CROCC: variants seen among roughly 807,000 people sequenced by gnomAD.
CROCC encodes the protein ciliary rootlet coiled-coil, rootletin.
In CROCC, 180 loss-of-function variants were observed where a neutral mutation model predicts 245.2. That is an observed-to-expected ratio of 0.73 (90% CI 0.65 to 0.83). The LOEUF (loss-of-function observed/expected upper bound fraction) is 0.83. Among genes scored for constraint, CROCC ranks in the 40% least tolerant of loss-of-function variants. The pLI, the probability that CROCC is intolerant of heterozygous loss-of-function variation, is 0.00. For synonymous variants in CROCC, 1,205 were observed against 1,241.6 expected (o/e 0.97, Z 0.62); for missense variants, 2,688 against 2,779.4 (o/e 0.97, Z 0.74).
chr1:16,953,103 C>G (rs1375346960), intron 20 of CROCC, 199 bp from the exon 21 acceptor site: 2 of 583,368 alleles, frequency 3.4e-6, no homozygotes, highest in African/African-American at 3.7e-5. Context: ...GACCCCCAGG[C>G]CAGCCCACTG....
chr1:16,936,831 A>C lies in CROCC; in HGVS notation c.1151A>C (p.Gln384Pro). The stretch of plus-strand genomic sequence containing the variant: ...CTCCGCGAGAAGGACCTGGCGCAGC[A>C]GCAGATGCAAAGCGACCTGGACAAG... ...KVLREKDLAQ[Q>P]QMQSDLDKAD... Residue 384 changes from glutamine (Q) to proline (P), a missense_variant, in exon 9 of 37, where the codon CAG (glutamine) becomes CCG (proline). Physicochemically the swap from Gln to Pro is moderately conservative, Grantham distance 76 (BLOSUM62 -1). This residue lies in a region of CROCC where 972 missense variants were observed against 895.3 expected (regional missense o/e 1.09). Transcript: ENST00000375541. 4 of 1,612,362 alleles carry C rather than the reference A, an allele frequency of 2.5e-6. No individual in the cohort carries two copies. The highest frequency in any genetic ancestry group is 3.4e-6 in the Non-Finnish European group (4 of 1,179,826).
intron 11 of CROCC, 40 bp from the exon 12 acceptor site, chr1:16,938,869 A>C: frequency 6.3e-7 from 1 of 1,588,402 alleles, no homozygotes. Flanking sequence ...CGCGGTTCCT[A>C]ACTCAGCAGC....
intron 27 of CROCC, among the ~76,000 whole-genome samples, chr1:16,963,823 T>G (rs2076373167): frequency 6.6e-6 from 1 of 151,856 alleles, no homozygotes; most frequent in African/African-American, 2.4e-5. Context: ...TGAGCCCAAG[T>G]CTCGCTCTAT....
At chr1:16,938,688 C>T (rs867704227) in intron 11 of CROCC, among the ~76,000 whole-genome samples, 7 of 152,290 alleles carry the variant, frequency 4.6e-5, no homozygotes, top group Admixed American at 6.5e-5. Context: ...CCTTTGGGAG[C>T]CCACCTGTGA....
rs559935469 is a variant in CROCC, at chr1:16,972,328, C to T, written c.5968-32C>T. On this transcript the variant is annotated intron_variant, in intron 36 of 36. Coordinates refer to ENST00000375541, the MANE Select transcript of CROCC (RefSeq NM_014675.5). ...CTTTCTCTGAAGCCAGGCTGAGGAC[C>T]TGGCTGGCCTTACCTTCCCTTTCTT... 45 of 1,591,466 alleles carry T rather than the reference C, an allele frequency of 2.8e-5. No individual in the cohort carries two copies. The South Asian group carries it at 4.6e-4, about 16-fold the overall frequency.
chr1:16,919,507 C>T (rs1352427630), upstream of CROCC, among the ~76,000 whole-genome samples: 2 of 152,284 alleles, frequency 1.3e-5, no homozygotes, highest in Non-Finnish European at 2.9e-5. Context: ...GGACAAGCCG[C>T]AGGCAAAACT....
rs2075488247 is a variant in CROCC at position 16,924,553 on chromosome 1, CCA to C, written c.351+80_351+81del. The C allele has an allele frequency of 2.6e-6, 4 of 1,555,746 alleles. No homozygotes were observed. The Admixed American group carries it at 5.4e-5, about 21-fold the overall frequency. ...GGGCAGGGAGGCATCTAGACCAGGC[CCA>C]CACACGGGGCAAAAGATGGGCCCTG... On this transcript the variant is annotated intron_variant, in intron 3 of 36. Transcript: ENST00000375541.
At position 16,924,368 on chromosome 1, in the gene CROCC, G is replaced by A. The variant is rs1462744888; in HGVS notation, c.240G>A (p.Gln80=). ...ATEMASLLSL[Q]EENQLLQQEL... ...AGATGGCATCGCTGCTGTCGCTGCA[G>A]GAGGAGAACCAGCTGCTGCAGCAGG... The change falls in exon 3 of 37, where the codon CAG becomes CAA. Residue 80 remains glutamine (Q), a synonymous_variant. Transcript: ENST00000375541. 1.2e-6 allele frequency: 2 copies of A among 1,613,164 alleles called. No individual in the cohort carries two copies. Among genetic ancestry groups the A allele is most frequent in the African/African-American group, 2.7e-5 (2 of 74,956 alleles).
At chr1:16,944,711 C>A (rs1355801191) in intron 14 of CROCC, among the ~76,000 whole-genome samples, 1 of 152,364 alleles carries the variant, frequency 6.6e-6, no homozygotes, top group African/African-American at 2.4e-5. Context: ...AACTGAGGCA[C>A]AGAGAAGCCA....
intron 13 of CROCC, chr1:16,940,936 CTG>C (rs1280045026): frequency 1.7e-5 from 7 of 418,770 alleles, no homozygotes; most frequent in Non-Finnish European, 3.4e-5. Context: ...CTCCCTTCCT[CTG>C]TGCCCTCACC....
In CROCC at chr1:16,939,939, C is replaced by G. The variant is rs775676010; in HGVS notation, c.1654C>G (p.Leu552Val). The change falls in exon 13 of 37, where the codon CTG becomes GTG. Residue 552 changes from leucine to valine, a missense_variant. Physicochemically the swap from Leu to Val is conservative, Grantham distance 32. Transcript: ENST00000375541. ...YEASQDLLGT[L>V]RKQLSDSESE... ...GGCAAGCCAGGACCTACTGGGCACC[C>G]TGCGGAAGCAGCTTAGCGACAGCGA... 6.2e-7 allele frequency: 1 copy of G among 1,612,802 alleles called. No homozygotes were observed. Among genetic ancestry groups the G allele is most frequent in the South Asian group, 1.1e-5 (1 of 91,028 alleles).
At chr1:16,921,166 C>T (rs1453259513), upstream of CROCC, among the ~76,000 whole-genome samples, 7 of 152,384 alleles carry the variant, frequency 4.6e-5, no homozygotes, top group African/African-American at 1.4e-4. Flanking sequence ...CATCCCCGGA[C>T]GGCTCCGAGA....
Position 16,946,832 on chromosome 1 carries a change from A to G in CROCC, c.2355A>G (p.Glu785=). 5 of 1,554,020 alleles carry G rather than the reference A, an allele frequency of 3.2e-6. No homozygotes were observed. Among genetic ancestry groups the G allele is most frequent in the Non-Finnish European group, 4.4e-6 (5 of 1,148,480 alleles). ...AGCAGGAGGCCACAGTGGCGCGGGA[A>G]GAGCAGGAACGGCTAGAGGAGCTGC... ...QAEQEATVAR[E]EQERLEELRL... Residue 785 remains glutamate, a synonymous_variant, in exon 17 of 37, where the codon GAA becomes GAG. Coordinates refer to ENST00000375541, the MANE Select transcript of CROCC (RefSeq NM_014675.5).
chr1:16,938,558 C>T, intron 11 of CROCC, 75 bp downstream of exon 11: 2 of 1,373,246 alleles, frequency 1.5e-6, no homozygotes, highest in Non-Finnish European at 2.0e-6. Flanking sequence ...CTTTCGGTGA[C>T]CTGGGACTGA....
intron 23 of CROCC, 123 bp from the exon 24 acceptor site, chr1:16,955,189 C>T: frequency 1.1e-6 from 1 of 913,354 alleles, no homozygotes. Context: ...AACTCACAGC[C>T]TGCGGTCTGA....
At chr1:16,955,959 C>T in intron 24 of CROCC, 38 bp from the exon 25 acceptor site, 1 of 1,548,324 alleles carries the variant, frequency 6.5e-7, no homozygotes, top group Non-Finnish European at 8.7e-7. Flanking sequence ...TGACTACTCC[C>T]AGGACCCAGG....
chr1:16,941,075 G>C (rs1404439440), intron 13 of CROCC: 2 of 212,314 alleles, frequency 9.4e-6, no homozygotes, highest in African/African-American at 4.7e-5. Context: ...TGCCCATGCT[G>C]GTCTTGAACT....
At chr1:16,964,715 G>T (rs2076391738) in intron 27 of CROCC, among the ~76,000 whole-genome samples, 2 of 151,486 alleles carry the variant, frequency 1.3e-5, no homozygotes, top group African/African-American at 2.4e-5. Context: ...ACGGAGTCTC[G>T]CTGTGTTACC....
intron 13 of CROCC, among the ~76,000 whole-genome samples, chr1:16,942,976 C>A (rs1475278013): frequency 1.3e-5 from 2 of 152,266 alleles, no homozygotes; most frequent in Admixed American, 1.3e-4. Flanking sequence ...GGCACAGTGG[C>A]TCACTCCTGT....
Sources: allele counts gnomAD v4.1 joint callset (sites outside exome capture counted in the v4.1 genomes callset), GRCh38; gene constraint gnomAD v4.1.1; regional missense constraint gnomAD v4.1.1; transcripts MANE v1.5; gene names NCBI Gene and HGNC (gene_info 2026-07-23, HGNC 2026-07-21).